Variants in KIF3B observed in about 807,000 individuals in gnomAD.
The protein encoded by KIF3B is kinesin family member 3B, also known as kinesin-like protein KIF3B.
A neutral mutation model predicts 74.3 loss-of-function variants in KIF3B; 38 were observed. The observed-to-expected ratio is 0.51, with a 90% CI of 0.39 to 0.67. KIF3B has a LOEUF of 0.67. KIF3B is among the 30% of genes least tolerant of loss of function. The pLI, the probability that KIF3B is intolerant of heterozygous loss-of-function variation, is 0.00. For synonymous variants in KIF3B, 326 were observed against 342.5 expected (o/e 0.95, Z 0.53); for missense variants, 649 against 932.0 (o/e 0.70, Z 3.95).
At chr20:32,304,418 A>G (rs2047759220) in intron 1 of KIF3B, among the ~76,000 whole-genome samples, 1 of 152,236 alleles carries the variant, frequency 6.6e-6, no homozygotes, top group African/African-American at 2.4e-5. Context: ...TTGCAATTGC[A>G]TATATCCTTT....
intron 8 of KIF3B, among the ~76,000 whole-genome samples, 173 bp downstream of exon 8, chr20:32,330,492 C>T (rs2047925076): frequency 6.6e-6 from 1 of 152,178 alleles, no homozygotes; most frequent in South Asian, 2.1e-4. Flanking sequence ...AGACACTATG[C>T]TGGGTATACC....
chr20:32,308,189 T>C (rs1385359880), intron 1 of KIF3B, among the ~76,000 whole-genome samples: 1 of 151,854 alleles, frequency 6.6e-6, no homozygotes, highest in Non-Finnish European at 1.5e-5. Flanking sequence ...TGAGCCAAGC[T>C]CACACCACTG....
At chr20:32,315,764 G>A (rs2047823993) in intron 2 of KIF3B, among the ~76,000 whole-genome samples, 1 of 152,024 alleles carries the variant, frequency 6.6e-6, no homozygotes, top group Non-Finnish European at 1.5e-5. Flanking sequence ...CCATCAGTGT[G>A]CCTCTCCCAT....
intron 7 of KIF3B, among the ~76,000 whole-genome samples, chr20:32,329,376 A>C (rs1255850926): frequency 1.5e-5 from 2 of 134,898 alleles, no homozygotes; most frequent in East Asian, 2.1e-4. Flanking sequence ...TTGAGGCAGG[A>C]TCTCACTGTG....
intron 1 of KIF3B, among the ~76,000 whole-genome samples, chr20:32,284,251 T>C (rs2047657391): frequency 6.6e-6 from 1 of 152,190 alleles, no homozygotes; most frequent in African/African-American, 2.4e-5. Context: ...CACTGCTATT[T>C]GTATAACTTT....
In KIF3B at chr20:32,333,263, C is replaced by T. The variant is rs2047938338; in HGVS notation, c.*1944C>T. The T allele has an allele frequency of 6.6e-6, 1 of 152,130 alleles. No individual in the cohort carries two copies. Among genetic ancestry groups the T allele is most frequent in the Non-Finnish European group, 1.5e-5 (1 of 68,038 alleles). The allele number at this position is 152,130 out of a possible 1,614,324, so 9.4% of individuals were successfully genotyped here. A position where few individuals can be genotyped will look rare whatever the true frequency, so the allele number is the denominator to read the frequency against. On this transcript the variant is annotated 3_prime_UTR_variant, in exon 9 of 9. Coordinates refer to ENST00000375712, the MANE Select transcript of KIF3B (RefSeq NM_004798.4). ...TTTTCTGCTGGTTACACGTGTCTCT[C>T]ACACCACATTTCCTCAAAGCTAATC...
chr20:32,301,295 C>G (rs1157678063), intron 1 of KIF3B, among the ~76,000 whole-genome samples: 2 of 151,572 alleles, frequency 1.3e-5, no homozygotes, highest in African/African-American at 4.9e-5. Context: ...AAACTCCTGA[C>G]CTCAGGTGAT....
At position 32,317,817 on chromosome 20, in the gene KIF3B, A is replaced by T. The variant is rs551165067; in HGVS notation, c.1748+943A>T. Among the ~76,000 whole-genome samples, 74 of 152,104 alleles carry T rather than the reference A, an allele frequency of 4.9e-4. No homozygotes were observed. The East Asian group carries it at 0.012, about 24-fold the overall frequency. On this transcript the variant is annotated intron_variant, in intron 5 of 8. Coordinates refer to ENST00000375712, the MANE Select transcript of KIF3B (RefSeq NM_004798.4). The stretch of plus-strand genomic sequence containing the variant: ...TATGCCCAGCTAATTTTTAAAAAAA[A>T]TTTTATAGAGATAGAGTCTCTCTAT...
intron 2 of KIF3B, among the ~76,000 whole-genome samples, chr20:32,312,432 C>T (rs903127064): frequency 6.6e-6 from 1 of 152,024 alleles, no homozygotes; most frequent in African/African-American, 2.4e-5. Context: ...TAGCTCCTTG[C>T]GTTTCCCTCC....
intron 1 of KIF3B, among the ~76,000 whole-genome samples, chr20:32,289,881 T>G (rs900455209): frequency 2.0e-5 from 3 of 152,164 alleles, no homozygotes; most frequent in Non-Finnish European, 2.9e-5. Flanking sequence ...GCTTTGCCAC[T>G]TATTAACTCA....
chr20:32,307,584 G>T (rs1013683074), intron 1 of KIF3B, among the ~76,000 whole-genome samples: 1 of 152,126 alleles, frequency 6.6e-6, no homozygotes, highest in African/African-American at 2.4e-5. Flanking sequence ...AAATGTTGAT[G>T]GGTAGGTCCA....
intron 5 of KIF3B, among the ~76,000 whole-genome samples, chr20:32,323,345 GTTA>G (rs2047885869): frequency 1.3e-5 from 2 of 150,614 alleles, no homozygotes; most frequent in South Asian, 4.2e-4. Context: ...GTTACATTTG[GTTA>G]TTAAGTCTCT....
rs143532330 is a variant in KIF3B at position 32,310,770 on chromosome 20, G to A, written c.993G>A (p.Leu331=). 406 of 1,614,156 alleles carry A rather than the reference G, an allele frequency of 2.5e-4. 3 individuals are homozygous for A. In the African/African-American group the frequency reaches 4.2e-3, roughly 17 times the overall value. Residue 331 remains leucine, a synonymous_variant, in exon 2 of 9, where the codon CTG becomes CTA. Transcript: ENST00000375712. This position sits in a 1 kb window ranked among gnomAD's most constrained non-coding sequence, Gnocchi z 6.5. ...SYNVEETLTT[L]RYANRAKNIK... is the part of the protein sequence containing the mutation. ...ACGTAGAAGAGACTCTGACCACTCT[G>A]CGATATGCCAACCGTGCCAAAAACA...
chr20:32,326,341 A>G (rs1323578917), intron 5 of KIF3B, among the ~76,000 whole-genome samples: 1 of 152,084 alleles, frequency 6.6e-6, no homozygotes, highest in Non-Finnish European at 1.5e-5. Flanking sequence ...AAGGCAGTTT[A>G]ATTTCTTCTG....
At chr20:32,317,360 A>T (rs1294389289) in intron 5 of KIF3B, among the ~76,000 whole-genome samples, 1 of 152,198 alleles carries the variant, frequency 6.6e-6, no homozygotes, top group Admixed American at 6.5e-5. Flanking sequence ...GAATGACTTC[A>T]TCAGGTGATC....
At chr20:32,290,791 A>C (rs2047687625) in intron 1 of KIF3B, among the ~76,000 whole-genome samples, 1 of 151,266 alleles carries the variant, frequency 6.6e-6, no homozygotes, top group African/African-American at 2.4e-5. Flanking sequence ...AGGTGGGAGG[A>C]TTGCTTGAGC....
chr20:32,331,424 C>T lies in KIF3B; in HGVS notation c.*105C>T. On this transcript the variant is annotated 3_prime_UTR_variant, in exon 9 of 9. Transcript: ENST00000375712. Reference sequence around the variant, plus strand: ...TCGGCCCAAACTCAGAACTGTTCCCCTGAGGAGAAGCGGTGGCCTCTTTGC... The same window carrying T: ...TCGGCCCAAACTCAGAACTGTTCCCTTGAGGAGAAGCGGTGGCCTCTTTGC... 1 of 876,056 alleles carries T rather than the reference C, an allele frequency of 1.1e-6. No individual in the cohort carries two copies. Among genetic ancestry groups the T allele is most frequent in the Non-Finnish European group, 1.8e-6 (1 of 560,102 alleles). The allele number at this position is 876,056 out of a possible 1,614,324, so 54.3% of individuals were successfully genotyped here. A position where few individuals can be genotyped will look rare whatever the true frequency, so the allele number is the denominator to read the frequency against.
chr20:32,302,222 A>G (rs890570057), intron 1 of KIF3B, among the ~76,000 whole-genome samples: 9 of 152,240 alleles, frequency 5.9e-5, no homozygotes, highest in Non-Finnish European at 1.2e-4. Context: ...TAAGATTTTA[A>G]GCCTTGGTGG....
chr20:32,299,103 G>C (rs4911090), intron 1 of KIF3B, among the ~76,000 whole-genome samples: 101,370 of 151,694 alleles, frequency 0.67, 35,403 homozygotes, highest in East Asian at 0.99. Context: ...AAATCTGTAA[G>C]CCTAATTCAG....
Sources: gnomAD v4.1 joint callset for allele counts (sites outside exome capture counted in the v4.1 genomes callset) on GRCh38, gnomAD v4.1.1 for gene constraint, Gnocchi (gnomAD v3.1) non-coding constraint, MANE v1.5 for transcripts, NCBI Gene and HGNC (gene_info 2026-07-23, HGNC 2026-07-21) for gene names.